SYNE1: variants seen among roughly 807,000 people sequenced by gnomAD.
The protein encoded by SYNE1 is nesprin-1.
A neutral mutation model predicts 1,111.0 loss-of-function variants in SYNE1; 616 were observed. The ratio of observed to expected loss-of-function variants is 0.55; its 90% CI spans 0.52 to 0.59. The LOEUF (loss-of-function observed/expected upper bound fraction) is 0.59. Ranked by LOEUF, SYNE1 falls within the 20% of genes least tolerant of loss-of-function variation. The probability of loss-of-function intolerance (pLI) is 0.00; values close to 1 mark genes in which losing one functional copy is unlikely to be tolerated. For synonymous variants in SYNE1, 3,855 were observed against 3,825.8 expected, an observed-to-expected ratio of 1.01 and a Z score of -0.28; for missense variants, 10,006 against 10,417.0, an observed-to-expected ratio of 0.96 and a Z score of 1.72.
At chr6:152,325,048 G>A in intron 81 of SYNE1, 36 bp downstream of exon 81, 1 of 1,607,448 alleles carries the variant, frequency 6.2e-7, no homozygotes, top group Middle Eastern at 2.0e-4. Context: ...TAATTAGTGA[G>A]GAAAGAAAGG....
At position 152,201,954 on chromosome 6, in the gene SYNE1, C is replaced by T. The variant is rs754289166; in HGVS notation, c.23020-5G>A. 5 of 1,613,770 alleles carry T rather than the reference C, an allele frequency of 3.1e-6. No individual in the cohort carries two copies. The Admixed American group carries it at 8.3e-5, about 27-fold the overall frequency. On this transcript the variant is annotated splice_region_variant and splice_polypyrimidine_tract_variant and intron_variant, in intron 126 of 145. Transcript: ENST00000367255. ...TTTCTCACATTTTTCCCAGTCCTAT[C>T]ATGGGAATAAAAACAAATAGCATAG...
At chr6:152,617,976 C>T (rs1164060538) in intron 3 of SYNE1, among the ~76,000 whole-genome samples, 1 of 152,096 alleles carries the variant, frequency 6.6e-6, no homozygotes, top group Non-Finnish European at 1.5e-5. Flanking sequence ...GAAGGTTAAT[C>T]GAAGTCAGGC....
In SYNE1 at chr6:152,350,303, T is replaced by G. The variant is rs2096718730; in HGVS notation, c.11766A>C (p.Lys3922Asn). The change falls in exon 72 of 146, where the codon AAA (lysine) becomes AAC (asparagine). Residue 3922 changes from lysine to asparagine, a missense_variant. Physicochemically the swap from Lys to Asn is moderately conservative, Grantham distance 94. Coordinates refer to ENST00000367255, the MANE Select transcript of SYNE1 (RefSeq NM_182961.4). ...GCTCACTGTTGTAGTCTTCATGGTCTTTGACTTTCGCCTCCAGACTGAAGA... is the reference window on the plus strand; with the variant it reads ...GCTCACTGTTGTAGTCTTCATGGTCGTTGACTTTCGCCTCCAGACTGAAGA... ...EHVFSLEAKV[K>N]DHEDYNSELQ... The G allele has an allele frequency of 6.2e-7, 1 of 1,614,136 alleles. No homozygotes were observed.
In SYNE1 at chr6:152,176,469, T is replaced by G. The variant is rs373707741; in HGVS notation, c.23552A>C (p.Lys7851Thr). The G allele has an allele frequency of 1.2e-6, 2 of 1,614,086 alleles. No individual in the cohort carries two copies. The highest frequency in any genetic ancestry group is 3.3e-5 in the Admixed American group (2 of 60,006). ...CAGCTTGTATTCAATCTCAGATGCT[T>G]TGCTTTCATGGCTGGCTTTAGCAAG... ...ERLAKASHES[K>T]ASEIEYKLGK... The change falls in exon 130 of 146, where the codon AAA (lysine) becomes ACA (threonine). Residue 7851 changes from lysine (K) to threonine (T), a missense_variant. Physicochemically the swap from Lys to Thr is moderately conservative, Grantham distance 78 (BLOSUM62 -1). This residue lies in a region of SYNE1 where 2,182 missense variants were observed against 2,287.8 expected (regional missense o/e 0.95). Transcript: ENST00000367255.
chr6:152,308,619 T>C lies in SYNE1; in HGVS notation c.17216A>G (p.Gln5739Arg). Residue 5739 changes from glutamine (Q) to arginine (R), a missense_variant, in exon 91 of 146, where the codon CAA (glutamine) becomes CGA (arginine). Around this residue, in one of 7 missense-constraint regions of SYNE1, gnomAD observed 4,955 missense variants for 5,017.2 expected, o/e 0.99. Coordinates refer to ENST00000367255, the MANE Select transcript of SYNE1 (RefSeq NM_182961.4). ...QCNIMQEAVV[Q>R]YEQYEQEMKH... Reference sequence around the variant, plus strand: ...CATTTCTTGCTCATATTGTTCATATTGTACCACAGCTTCCTTTGAAAAAAA... The same window carrying C: ...CATTTCTTGCTCATATTGTTCATATCGTACCACAGCTTCCTTTGAAAAAAA... The C allele has an allele frequency of 6.2e-7, 1 of 1,603,648 alleles. No individual in the cohort carries two copies. Among genetic ancestry groups the C allele is most frequent in the Non-Finnish European group, 8.5e-7 (1 of 1,177,926 alleles).
At chr6:152,168,515 A>T (rs1408502571) in intron 130 of SYNE1, among the ~76,000 whole-genome samples, 1 of 123,760 alleles carries the variant, frequency 8.1e-6, no homozygotes, top group Admixed American at 9.1e-5. Context: ...CAGCAAAAAC[A>T]ACATCGGCTG....
intron 130 of SYNE1, among the ~76,000 whole-genome samples, chr6:152,164,561 T>C (rs2063227468): frequency 6.6e-6 from 1 of 152,110 alleles, no homozygotes; most frequent in Non-Finnish European, 1.5e-5. Flanking sequence ...ATAGATAAAT[T>C]AGTTTTGAAC....
At chr6:152,408,348 A>G (rs2154167792) in intron 44 of SYNE1, among the ~76,000 whole-genome samples, 1 of 152,290 alleles carries the variant, frequency 6.6e-6, no homozygotes, top group Admixed American at 6.5e-5. Context: ...AAGAACTAAA[A>G]CCCAAAGATG....
At chr6:152,326,249 G>T in intron 79 of SYNE1, 47 bp downstream of exon 79, 2 of 1,612,520 alleles carry the variant, frequency 1.2e-6, no homozygotes, top group Middle Eastern at 1.7e-4. Context: ...CTTTCAGTGT[G>T]GAAATTCATT....
intron 111 of SYNE1, 103 bp downstream of exon 111, chr6:152,234,565 A>T: frequency 7.3e-7 from 1 of 1,365,026 alleles, no homozygotes; most frequent in Non-Finnish European, 1.0e-6. Flanking sequence ...GTGTGGGATT[A>T]CAGGTGTGAG....
In SYNE1 at chr6:152,362,267, A is replaced by T. The variant is rs765446642; in HGVS notation, c.10202T>A (p.Phe3401Tyr). 1 of 1,614,178 alleles carries T rather than the reference A, an allele frequency of 6.2e-7. No individual in the cohort carries two copies. ...TTCCATACTATCCATCCAACCGGAG[A>T]ACTGTCGAACGCCATCCTGATAACT... Reference protein sequence around the residue: ...WTSYQDGVRQFSGWMDSMEAN... With the variant: ...WTSYQDGVRQYSGWMDSMEAN... Residue 3401 changes from phenylalanine (F) to tyrosine (Y), a missense_variant, in exon 64 of 146, where the codon TTC becomes TAC. Transcript: ENST00000367255.
At position 152,427,674 on chromosome 6, in the gene SYNE1, C is replaced by A. The variant is rs901073481; in HGVS notation, c.5100+19G>T. 2 of 1,613,856 alleles carry A rather than the reference C, an allele frequency of 1.2e-6. No individual in the cohort carries two copies. The highest frequency in any genetic ancestry group is 1.7e-5 in the Admixed American group (1 of 59,992). On this transcript the variant is annotated intron_variant, in intron 38 of 145. Transcript: ENST00000367255. The stretch of plus-strand genomic sequence containing the variant: ...AAAAGCATTTTATTTTTTCCTTCCT[C>A]ACACTTCCTTGAACTTGCCTGTATT...
At chr6:152,230,430 A>C (rs2082522038) in intron 115 of SYNE1, 117 bp downstream of exon 115, 1 of 1,140,086 alleles carries the variant, frequency 8.8e-7, no homozygotes, top group African/African-American at 1.6e-5. Flanking sequence ...TTGTTACTAA[A>C]TGCAACTTTT....
In SYNE1 at chr6:152,171,580, G is replaced by A. The variant is rs78706099; in HGVS notation, c.23627+4814C>T. On this transcript the variant is annotated intron_variant, in intron 130 of 145. Coordinates refer to ENST00000367255, the MANE Select transcript of SYNE1 (RefSeq NM_182961.4). ...AGAATCTGATCTAATCTGGAGAGAA[G>A]GAAAAACAGGAAGAACCAATCAGGA... Among the ~76,000 whole-genome samples the A allele has an allele frequency of 1.4e-3, 210 of 152,278 alleles. 6 individuals are homozygous for A. The East Asian group carries it at 0.037, about 27-fold the overall frequency.
At chr6:152,355,783 G>A (rs890252198) in intron 66 of SYNE1, among the ~76,000 whole-genome samples, 1 of 152,040 alleles carries the variant, frequency 6.6e-6, no homozygotes, top group Non-Finnish European at 1.5e-5. Context: ...CATCAACAAT[G>A]TTAAAAATAT....
At chr6:152,556,170 A>G (rs2099364395) in intron 3 of SYNE1, among the ~76,000 whole-genome samples, 1 of 152,206 alleles carries the variant, frequency 6.6e-6, no homozygotes, top group Non-Finnish European at 1.5e-5. Context: ...ACCCATTCAC[A>G]TGCAACAAAA....
chr6:152,435,172 CA>C (rs1400054424), intron 33 of SYNE1: 1 of 152,044 alleles, frequency 6.6e-6, no homozygotes, highest in Non-Finnish European at 1.5e-5. Flanking sequence ...ACACATTTTA[CA>C]TTTTAAAACC....
At chr6:152,539,272 A>C (rs2099258451) in intron 4 of SYNE1, among the ~76,000 whole-genome samples, 1 of 152,124 alleles carries the variant, frequency 6.6e-6, no homozygotes, top group African/African-American at 2.4e-5. Flanking sequence ...ATTCAGACAC[A>C]ATTGTCCCAT....
intron 2 of SYNE1, among the ~76,000 whole-genome samples, chr6:152,628,829 A>T (rs1381491228): frequency 6.6e-6 from 1 of 152,226 alleles, no homozygotes; most frequent in Non-Finnish European, 1.5e-5. Context: ...TTCTTTTTAA[A>T]CTATCAACTT....
Sources: allele counts gnomAD v4.1 joint callset (sites outside exome capture counted in the v4.1 genomes callset), GRCh38; gene constraint gnomAD v4.1.1; regional missense constraint gnomAD v4.1.1; transcripts MANE v1.5; gene names NCBI Gene and HGNC (gene_info 2026-07-23, HGNC 2026-07-21).